The following NEDD4 variants were observed in gnomAD, a reference collection of about 807,000 sequenced individuals.
NEDD4 encodes the protein NEDD4 E3 ubiquitin protein ligase.
NEDD4 carries 99 observed loss-of-function variants against 144.9 expected under a neutral mutation model. The observed-to-expected ratio is 0.68, with a 90% CI of 0.58 to 0.81. The LOEUF (loss-of-function observed/expected upper bound fraction) is 0.81, where lower values mean the gene tolerates loss of function less well. Ranked by LOEUF, NEDD4 falls within the 30% of genes least tolerant of loss-of-function variation. The pLI is 0.00. For synonymous variants in NEDD4, 318 were observed against 350.6 expected, an observed-to-expected ratio of 0.91 and a Z score of 1.04; for missense variants, 985 against 1,065.9, an observed-to-expected ratio of 0.92 and a Z score of 1.06.
At position 55,993,595 on chromosome 15, in the gene NEDD4, C is replaced by G. The variant is rs370543174; in HGVS notation, c.-40G>C. 6.3e-7 allele frequency: 1 copy of G among 1,586,128 alleles called. No homozygotes were observed. The highest frequency in any genetic ancestry group is 1.4e-5 in the African/African-American group (1 of 72,086). Reference sequence around the variant, plus strand: ...AGCAAACCGGACGCGCTCGCCCCCGCCCAGGGCAGGCAACTGTGGAGGAGG... The same window carrying G: ...AGCAAACCGGACGCGCTCGCCCCCGGCCAGGGCAGGCAACTGTGGAGGAGG... On this transcript the variant is annotated 5_prime_UTR_variant, in exon 1 of 29. Transcript: ENST00000435532.
At chr15:55,869,920 A>G (rs1401045554) in intron 7 of NEDD4, among the ~76,000 whole-genome samples, 1 of 151,016 alleles carries the variant, frequency 6.6e-6, no homozygotes, top group Non-Finnish European at 1.5e-5. Flanking sequence ...GAAGATGCTA[A>G]GGAAGTTTAA....
chr15:55,833,008 C>T lies in NEDD4; in HGVS notation c.2527G>A (p.Gly843Ser), dbSNP rs778503652. The change falls in exon 27 of 29, where the codon GGT (glycine) becomes AGT (serine). Residue 843 changes from glycine to serine, a missense_variant and splice_region_variant. Coordinates refer to ENST00000435532, the MANE Select transcript of NEDD4 (RefSeq NM_006154.4). ...TTAATGATCTATGGAAAATCCTTAC[C>T]GTATAGTTCAGCAAATCCATTCATA... ...VPMNGFAELY[G>S]SNGPQSFTVE... 14 of 1,600,348 alleles carry T rather than the reference C, an allele frequency of 8.7e-6. No homozygotes were observed. Among genetic ancestry groups the T allele is most frequent in the Middle Eastern group, 1.6e-4 (1 of 6,062 alleles).
intron 1 of NEDD4, among the ~76,000 whole-genome samples, chr15:55,982,527 T>C (rs2037820894): frequency 6.6e-6 from 1 of 152,076 alleles, no homozygotes; most frequent in Non-Finnish European, 1.5e-5. Context: ...TTACATGAAG[T>C]TCTAGAACAG....
Position 55,842,062 on chromosome 15 carries a change from C to T in NEDD4, c.1710G>A (p.Lys570=). ...IMGVKRADFL[K]ARLWIEFDGE... The stretch of plus-strand genomic sequence containing the variant: ...CATCAAACTCAATCCACAGTCGAGC[C>T]TTCAGGAAGTCTGCTCTCTTGACAC... The change falls in exon 19 of 29, where the codon AAG becomes AAA. Residue 570 remains lysine (K), a synonymous_variant. Coordinates refer to ENST00000435532, the MANE Select transcript of NEDD4 (RefSeq NM_006154.4). 6.2e-7 allele frequency: 1 copy of T among 1,614,182 alleles called. No homozygotes were observed.
chr15:55,973,807 G>A (rs7173801), intron 1 of NEDD4, among the ~76,000 whole-genome samples: 22,267 of 150,370 alleles, frequency 0.15, 1,784 homozygotes, highest in East Asian at 0.32. Flanking sequence ...ATAGCTATAA[G>A]TACCTACATG....
At chr15:55,921,491 A>C (rs184013561) in intron 5 of NEDD4, among the ~76,000 whole-genome samples, 6 of 151,946 alleles carry the variant, frequency 3.9e-5, no homozygotes, top group Non-Finnish European at 7.4e-5. Context: ...GGCCTGGCTA[A>C]ATTTTGTATT....
intron 5 of NEDD4, among the ~76,000 whole-genome samples, chr15:55,891,239 G>A (rs1047550432): frequency 5.3e-5 from 8 of 152,112 alleles, no homozygotes; most frequent in African/African-American, 1.9e-4. Flanking sequence ...CCAAATAGCT[G>A]TATTTCCAAT....
At chr15:55,950,898 G>A (rs974008161) in intron 4 of NEDD4, among the ~76,000 whole-genome samples, 3 of 152,150 alleles carry the variant, frequency 2.0e-5, no homozygotes, top group African/African-American at 7.2e-5. Context: ...TAGGTACAAG[G>A]AGACACTGTC....
At chr15:55,962,183 TATATCC>T (rs2037437611) in intron 2 of NEDD4, among the ~76,000 whole-genome samples, 1 of 152,336 alleles carries the variant, frequency 6.6e-6, no homozygotes, top group African/African-American at 2.4e-5. Flanking sequence ...CAGATACGAA[TATATCC>T]ACTTCAGTCT....
intron 2 of NEDD4, 74 bp downstream of exon 2, chr15:55,966,398 AT>A (rs1420604162): frequency 1.1e-6 from 1 of 891,040 alleles, no homozygotes; most frequent in African/African-American, 1.8e-5. Flanking sequence ...TTGATTTCTA[AT>A]TTAACCAAAG....
chr15:55,892,641 C>T (rs1471413643), intron 5 of NEDD4, among the ~76,000 whole-genome samples: 1 of 122,608 alleles, frequency 8.2e-6, no homozygotes. Flanking sequence ...GAAAATGAAA[C>T]AGTTTCTACC....
rs767189924 is a variant in NEDD4 at position 55,850,598 on chromosome 15, G to A, written c.1291C>T (p.His431Tyr). 4.3e-6 allele frequency: 7 copies of A among 1,614,168 alleles called. No homozygotes were observed. Among genetic ancestry groups the A allele is most frequent in the Non-Finnish European group, 5.9e-6 (7 of 1,180,036 alleles). ...GFLPKGWEVR[H>Y]APNGRPFFID... is the part of the protein sequence containing the mutation. The stretch of plus-strand genomic sequence containing the variant: ...AAGAAAGGCCTCCCATTTGGTGCAT[G>A]CCGGACTTCCCAGCCTTTAGGAAGG... The change falls in exon 14 of 29, where the codon CAT (histidine) becomes TAT (tyrosine). Residue 431 changes from histidine to tyrosine, a missense_variant. Coordinates refer to ENST00000435532, the MANE Select transcript of NEDD4 (RefSeq NM_006154.4).
rs1380306847 is a variant in NEDD4 at position 55,916,420 on chromosome 15, C to T, written c.291+8226G>A. On this transcript the variant is annotated intron_variant, in intron 5 of 28. Coordinates refer to ENST00000435532, the MANE Select transcript of NEDD4 (RefSeq NM_006154.4). ...ATGGCTGGACTGCTTACAAGGTGACCATCATTCACAGCATTCAATTCATTA... is the reference window on the plus strand; with the variant it reads ...ATGGCTGGACTGCTTACAAGGTGACTATCATTCACAGCATTCAATTCATTA... 12 of 1,613,828 alleles carry T rather than the reference C, an allele frequency of 7.4e-6. No individual in the cohort carries two copies. Among genetic ancestry groups the T allele is most frequent in the Non-Finnish European group, 9.3e-6 (11 of 1,179,934 alleles).
At chr15:55,939,189 G>A (rs566859069) in intron 4 of NEDD4, among the ~76,000 whole-genome samples, 23 of 152,052 alleles carry the variant, frequency 1.5e-4, no homozygotes, top group Non-Finnish European at 2.6e-4. Context: ...ATCTCATCTC[G>A]ATCCGTAATC....
chr15:55,842,624 C>T (rs540921121), intron 18 of NEDD4, among the ~76,000 whole-genome samples: 98 of 152,304 alleles, frequency 6.4e-4, no homozygotes, highest in Non-Finnish European at 8.4e-4. Context: ...GCAATCCTCC[C>T]GCCTTGGCCT....
intron 4 of NEDD4, among the ~76,000 whole-genome samples, chr15:55,940,006 C>T (rs1451823615): frequency 2.6e-5 from 4 of 152,144 alleles, no homozygotes; most frequent in Non-Finnish European, 5.9e-5. Flanking sequence ...GTGACATATA[C>T]ATACAATAGA....
intron 1 of NEDD4, among the ~76,000 whole-genome samples, chr15:55,973,327 C>T (rs1426655637): frequency 6.6e-6 from 1 of 152,062 alleles, no homozygotes; most frequent in African/African-American, 2.4e-5. Context: ...CTTCTTGGGC[C>T]CAGGAGTTTG....
chr15:55,968,983 G>C (rs1467305741), intron 1 of NEDD4, among the ~76,000 whole-genome samples: 1 of 152,144 alleles, frequency 6.6e-6, no homozygotes, highest in Non-Finnish European at 1.5e-5. Flanking sequence ...TCAGGTGACT[G>C]ATCACAGTAC....
chr15:55,839,511 A>T (rs1199403851), intron 21 of NEDD4, among the ~76,000 whole-genome samples: 1 of 152,220 alleles, frequency 6.6e-6, no homozygotes, highest in Non-Finnish European at 1.5e-5. Flanking sequence ...AGAATAAAAA[A>T]TGAACTTGGT....
Sources: allele counts gnomAD v4.1 joint callset (sites outside exome capture counted in the v4.1 genomes callset), GRCh38; gene constraint gnomAD v4.1.1; transcripts MANE v1.5; gene names NCBI Gene and HGNC (gene_info 2026-07-23, HGNC 2026-07-21).